Variants in VEPH1 observed in about 807,000 individuals in gnomAD.
VEPH1 encodes ventricular zone expressed PH domain containing 1.
VEPH1 carries 80 observed loss-of-function variants against 85.2 expected under a neutral mutation model. The ratio of observed to expected loss-of-function variants is 0.94; its 90% CI spans 0.78 to 1.13. The LOEUF is 1.13. Ranked by LOEUF, VEPH1 falls within the 50% of genes most tolerant of loss-of-function variation. The pLI is 0.00. For missense variants in VEPH1, 955 were observed against 980.5 expected (o/e 0.97, Z 0.35); for synonymous variants, 297 against 348.0 (o/e 0.85, Z 1.63).
chr3:157,413,617 C>T, intron 6 of VEPH1: 1 of 985,368 alleles, frequency 1.0e-6, no homozygotes, highest in East Asian at 1.1e-4. Context: ...CCTAAACCTT[C>T]CACATAACCC....
rs149319742 is a variant in VEPH1 at position 157,338,511 on chromosome 3, G to A, written c.1736-21310C>T. On this transcript the variant is annotated intron_variant, in intron 9 of 13. Transcript: ENST00000362010. ...TCATGATTAAAAGGTGAAGCATCTT[G>A]GAAATCAATTTTCACTAATTCTATG... Among the ~76,000 whole-genome samples the A allele has an allele frequency of 2.4e-3, 370 of 152,206 alleles. 2 individuals carry two copies. The highest frequency in any genetic ancestry group is 8.5e-3 in the African/African-American group (352 of 41,524).
chr3:157,269,642 G>GTTTT lies in VEPH1; in HGVS notation c.2129-3984_2129-3981dup, dbSNP rs11408861. Reference sequence around the variant, plus strand: ...TTTGTTTTTTGTTTTTGTTTTTGTTGTTTTTTTTTTTTTTTTTTGCTATTA... The same window carrying GTTTT: ...TTTGTTTTTTGTTTTTGTTTTTGTTGTTTTTTTTTTTTTTTTTTTTTTGCTATTA... On this transcript the variant is annotated intron_variant, in intron 12 of 13. Transcript: ENST00000362010. Among the ~76,000 whole-genome samples the GTTTT allele has an allele frequency of 8.2e-3, 942 of 115,318 alleles. 10 individuals carry two copies. The highest frequency in any genetic ancestry group is 0.013 in the African/African-American group (389 of 30,540). 75.7% of individuals were successfully genotyped at this position (115,318 alleles called of 152,430 possible).
chr3:157,463,113 C>T lies in VEPH1; in HGVS notation c.355-2758G>A, dbSNP rs1312654631. Reference sequence around the variant, plus strand: ...CCAATGCCTTAGGCTGTGCCTGAGGCCAGTTATATTCCTAAAGATTTCTAA... The same window carrying T: ...CCAATGCCTTAGGCTGTGCCTGAGGTCAGTTATATTCCTAAAGATTTCTAA... On this transcript the variant is annotated intron_variant, in intron 3 of 13. Transcript: ENST00000362010. Among the ~76,000 whole-genome samples, 3 of 152,210 alleles carry T rather than the reference C, an allele frequency of 2.0e-5. No individual in the cohort carries two copies. In the South Asian group the frequency reaches 6.2e-4, roughly 32 times the overall value.
intron 4 of VEPH1, among the ~76,000 whole-genome samples, chr3:157,440,993 A>G (rs1577666368): frequency 6.6e-6 from 1 of 152,260 alleles, no homozygotes. Flanking sequence ...TTTTTGGTCT[A>G]TTCAGCTCTT....
intron 6 of VEPH1, among the ~76,000 whole-genome samples, chr3:157,395,853 C>T (rs887463888): frequency 6.6e-6 from 1 of 152,128 alleles, no homozygotes; most frequent in African/African-American, 2.4e-5. Context: ...TTCTGCTCCT[C>T]TCCCTCTTCC....
chr3:157,294,518 G>T (rs192323416), intron 11 of VEPH1, among the ~76,000 whole-genome samples: 87 of 152,292 alleles, frequency 5.7e-4, no homozygotes, highest in African/African-American at 2.0e-3. Context: ...TGATTTAATG[G>T]TGTGCATCCA....
At position 157,317,216 on chromosome 3, in the gene VEPH1, A is replaced by T; in HGVS notation, c.1736-15T>A. 1.9e-6 allele frequency: 3 copies of T among 1,604,990 alleles called. No homozygotes were observed. The highest frequency in any genetic ancestry group is 2.6e-6 in the Non-Finnish European group (3 of 1,176,306). On this transcript the variant is annotated splice_polypyrimidine_tract_variant and intron_variant, in intron 9 of 13. Coordinates refer to ENST00000362010, the MANE Select transcript of VEPH1 (RefSeq NM_001167912.2). ...TCTCACAGTGTCTAGAAACAAATAC[A>T]TATAGCGTTAAACGTTATGGTCTTT...
At chr3:157,480,152 A>G (rs1467418382) in intron 2 of VEPH1, among the ~76,000 whole-genome samples, 2 of 135,396 alleles carry the variant, frequency 1.5e-5, no homozygotes, top group Non-Finnish European at 3.1e-5. Context: ...ATTTTTTTGG[A>G]TGGATAAAAG....
intron 10 of VEPH1, among the ~76,000 whole-genome samples, chr3:157,315,563 T>C (rs1483980481): frequency 1.3e-5 from 2 of 152,036 alleles, no homozygotes; most frequent in African/African-American, 2.4e-5. Flanking sequence ...AGGTTGTAAT[T>C]ATTAATATCA....
chr3:157,386,248 C>CCCAAA (rs1553776409), intron 6 of VEPH1, among the ~76,000 whole-genome samples: 2 of 11,904 alleles, frequency 1.7e-4, no homozygotes, highest in Non-Finnish European at 2.9e-4. Context: ...AAAATGGTTC[C>CCCAAA]ACAAAAAAAA....
At chr3:157,371,201 AAG>A (rs765488798) in intron 7 of VEPH1, among the ~76,000 whole-genome samples, 2 of 152,230 alleles carry the variant, frequency 1.3e-5, no homozygotes, top group Non-Finnish European at 2.9e-5. Context: ...TGCGTACTAA[AAG>A]AGAGGGACTC....
intron 9 of VEPH1, among the ~76,000 whole-genome samples, chr3:157,350,643 A>G (rs1724761147): frequency 6.6e-6 from 1 of 152,244 alleles, no homozygotes; most frequent in Admixed American, 6.5e-5. Flanking sequence ...TAACATCAAG[A>G]ATATACAAGG....
intron 11 of VEPH1, among the ~76,000 whole-genome samples, chr3:157,289,719 T>G (rs1717237715): frequency 6.6e-6 from 1 of 152,216 alleles, no homozygotes; most frequent in South Asian, 2.1e-4. Context: ...AGAATTGCTA[T>G]ATGGCTTCTA....
chr3:157,460,310 CT>C lies in VEPH1; in HGVS notation c.399del (p.Val134Ter), dbSNP rs1246367473. 6.2e-7 allele frequency: 1 copy of C among 1,614,152 alleles called. No individual in the cohort carries two copies. On this transcript the variant is annotated frameshift_variant, in exon 4 of 14. Coordinates refer to ENST00000362010, the MANE Select transcript of VEPH1 (RefSeq NM_001167912.2). LOFTEE classifies it high-confidence loss of function. ...PPVMALAIPIAVKFLHRGNKE... is the reference protein window; with the variant it reads ...PPVMALAIPIXVKFLHRGNKE... ...TTGTTGCCTCTGTGGAGGAATTTCACTGCAATGGGGATGGCTAATGCCATCA... is the reference window on the plus strand; with the variant it reads ...TTGTTGCCTCTGTGGAGGAATTTCACGCAATGGGGATGGCTAATGCCATCA...
At chr3:157,411,748 A>G (rs1731550501) in intron 6 of VEPH1, among the ~76,000 whole-genome samples, 1 of 152,114 alleles carries the variant, frequency 6.6e-6, no homozygotes, top group African/African-American at 2.4e-5. Flanking sequence ...GTTTTGGGGG[A>G]AAAAGCAAAC....
At chr3:157,285,453 A>G (rs1716649275) in intron 12 of VEPH1, among the ~76,000 whole-genome samples, 1 of 152,244 alleles carries the variant, frequency 6.6e-6, no homozygotes, top group African/African-American at 2.4e-5. Context: ...GCAGTTAACA[A>G]GAGGACAGAC....
At chr3:157,371,164 C>T (rs1370066183) in intron 7 of VEPH1, among the ~76,000 whole-genome samples, 4 of 152,180 alleles carry the variant, frequency 2.6e-5, no homozygotes, top group African/African-American at 4.8e-5. Context: ...TATAAAATCC[C>T]TCCTCTTACT....
At chr3:157,329,062 C>T (rs1447284397) in intron 9 of VEPH1, among the ~76,000 whole-genome samples, 2 of 152,152 alleles carry the variant, frequency 1.3e-5, no homozygotes, top group East Asian at 1.9e-4. Context: ...TATTAGTCCC[C>T]CCTTTTAAGT....
intron 12 of VEPH1, among the ~76,000 whole-genome samples, chr3:157,281,261 GATA>G (rs948927034): frequency 1.3e-5 from 2 of 152,096 alleles, no homozygotes; most frequent in Non-Finnish European, 2.9e-5. Flanking sequence ...AAGATTTCAA[GATA>G]ATAAATTATC....
Sources: allele counts gnomAD v4.1 joint callset (sites outside exome capture counted in the v4.1 genomes callset), GRCh38; gene constraint gnomAD v4.1.1; transcripts MANE v1.5; gene names NCBI Gene and HGNC (gene_info 2026-07-23, HGNC 2026-07-21).